The following KDM2B variants were observed in gnomAD, a reference collection of about 807,000 sequenced individuals.
The protein encoded by KDM2B is lysine-specific demethylase 2B.
In KDM2B, 26 loss-of-function variants were observed where a neutral mutation model predicts 150.0. The observed-to-expected ratio is 0.17, with a 90% confidence interval of 0.13 to 0.24. The LOEUF (loss-of-function observed/expected upper bound fraction) is 0.24. Ranked by LOEUF, KDM2B falls within the 10% of genes least tolerant of loss-of-function variation. The pLI is 1.00. For synonymous variants in KDM2B, 734 were observed against 729.5 expected (o/e 1.01, Z -0.10); for missense variants, 1,265 against 1,816.9 (o/e 0.70, Z 5.52).
rs1875195352 is a variant in KDM2B, at chr12:121,442,058, T to C, written c.3284+99A>G. 1.0e-6 allele frequency: 1 copy of C among 991,530 alleles called. No homozygotes were observed. 61.4% of individuals were successfully genotyped at this position (991,530 alleles called of 1,614,324 possible). On this transcript the variant is annotated intron_variant, in intron 19 of 22. Transcript: ENST00000377071. The surrounding 1 kb of genome is among the most constrained non-coding windows in gnomAD (Gnocchi z 7.7). ...GGAGCACAATGAAGCCATACTGGGGTTTGGAAGGAAAGAGCATCGCCAGCG... is the reference window on the plus strand; with the variant it reads ...GGAGCACAATGAAGCCATACTGGGGCTTGGAAGGAAAGAGCATCGCCAGCG...
the KDM2B span, chr12:121,416,568 GT>G: frequency 1.9e-6 from 1 of 525,978 alleles, no homozygotes; most frequent in Non-Finnish European, 3.4e-6. Context: ...TATAGACATT[GT>G]TTCTCATGTT....
chr12:121,523,120 G>C (rs1015170406), intron 8 of KDM2B, among the ~76,000 whole-genome samples: 1 of 152,208 alleles, frequency 6.6e-6, no homozygotes, highest in Admixed American at 6.5e-5. Flanking sequence ...TGAAACTGAG[G>C]GCACAAAGGG....
rs969594925 is a variant in KDM2B at position 121,494,556 on chromosome 12, G to A, written c.1734+23C>T. On this transcript the variant is annotated intron_variant, in intron 12 of 22. Coordinates refer to ENST00000377071, the MANE Select transcript of KDM2B (RefSeq NM_032590.5). ...GGAAGGAGGTGGGAAGCGGCCGCCC[G>A]CTGCAGGCAGGCTGCGTCTTACCTT... is the stretch of plus-strand genomic sequence containing the variant. 21 of 1,598,898 alleles carry A rather than the reference G, an allele frequency of 1.3e-5. No individual in the cohort carries two copies. In the East Asian group the frequency reaches 2.2e-4, roughly 17 times the overall value.
chr12:121,512,352 C>T (rs1207689468), intron 10 of KDM2B, among the ~76,000 whole-genome samples: 3 of 151,996 alleles, frequency 2.0e-5, no homozygotes, highest in Non-Finnish European at 4.4e-5. Context: ...CCATCATACG[C>T]CCAGCCTGGA....
At chr12:121,479,666 G>C (rs532194833) in intron 12 of KDM2B, among the ~76,000 whole-genome samples, 2 of 151,974 alleles carry the variant, frequency 1.3e-5, no homozygotes, top group African/African-American at 4.8e-5. Flanking sequence ...CTGTTGCCCA[G>C]GCTGGAGTGC....
upstream of KDM2B, among the ~76,000 whole-genome samples, chr12:121,581,837 T>C (rs1891977149): frequency 6.6e-6 from 1 of 152,144 alleles, no homozygotes; most frequent in Non-Finnish European, 1.5e-5. Flanking sequence ...ACGATGTCAC[T>C]ATCAGCATCG....
chr12:121,422,782 T>A, the KDM2B span, among the ~76,000 whole-genome samples: 1 of 152,180 alleles, frequency 6.6e-6, no homozygotes, highest in Non-Finnish European at 1.5e-5. Context: ...TTTTCTCAGA[T>A]GTAAAGGTGG....
intron 12 of KDM2B, among the ~76,000 whole-genome samples, chr12:121,487,215 C>T (rs138330210): frequency 6.6e-6 from 1 of 152,090 alleles, no homozygotes; most frequent in African/African-American, 2.4e-5. Context: ...CCTTTTGCCA[C>T]CCATATTTTT....
At chr12:121,416,260 C>T in the KDM2B span, 69 of 1,613,866 alleles carry the variant, frequency 4.3e-5, no homozygotes, top group South Asian at 5.5e-5. Context: ...CAGGAGCCAC[C>T]GGTCCATTCA....
Position 121,533,242 on chromosome 12 carries a change from C to T in KDM2B, c.778-283G>A, listed in dbSNP as rs188337748. ...GGACTGGGTGGGACATGCTTTCTCC[C>T]GAACCACAGGCTTGTCTAGGAGGTG... On this transcript the variant is annotated intron_variant, in intron 7 of 22. Transcript: ENST00000377071. The surrounding 1 kb of genome is among the most constrained non-coding windows in gnomAD (Gnocchi z 4.1). Among the ~76,000 whole-genome samples the T allele has an allele frequency of 6.6e-6, 1 of 152,072 alleles. No homozygotes were observed. The highest frequency in any genetic ancestry group is 2.4e-5 in the African/African-American group (1 of 41,392).
At chr12:121,480,583 C>CAAAAAAA (rs35490517) in intron 12 of KDM2B, among the ~76,000 whole-genome samples, 8 of 63,242 alleles carry the variant, frequency 1.3e-4, no homozygotes, top group East Asian at 9.7e-4. Context: ...CTGTCGCTAC[C>CAAAAAAA]AAAAAAAAAA....
rs904592622 is a variant in KDM2B, at chr12:121,439,711, C to G, written c.3829+146G>C. On this transcript the variant is annotated intron_variant, in intron 22 of 22. Transcript: ENST00000377071. ...AACTCTTTGTTTACTGTGTTTCCCC[C>G]CTGGACTGGGCTGTCTGTCTCAGTA... 4 of 663,688 alleles carry G rather than the reference C, an allele frequency of 6.0e-6. No homozygotes were observed. The Admixed American group carries it at 9.3e-5, about 15-fold the overall frequency. The allele number at this position is 663,688 out of a possible 1,614,324, so 41.1% of individuals were successfully genotyped here.
Position 121,442,809 on chromosome 12 carries a change from G to C in KDM2B, c.2632C>G (p.Arg878Gly), listed in dbSNP as rs782421557. The stretch of plus-strand genomic sequence containing the variant: ...AGGGGCTTGTTGGCCAGCGCCATGC[G>C]GTCCTCGGCGTTCTTCCAGGACCGC... ...KRRSWKNAEDRMALANKPLRR... is the reference protein window; with the variant it reads ...KRRSWKNAEDGMALANKPLRR... Residue 878 changes from arginine to glycine, a missense_variant, in exon 19 of 23, where the codon CGC becomes GGC. Physicochemically the swap from Arg to Gly is moderately radical, Grantham distance 125. This residue lies in a region of KDM2B where 418 missense variants were observed against 402.4 expected (regional missense o/e 1.04). Coordinates refer to ENST00000377071, the MANE Select transcript of KDM2B (RefSeq NM_032590.5). The surrounding 1 kb of genome is among the most constrained non-coding windows in gnomAD (Gnocchi z 7.7). The C allele has an allele frequency of 2.0e-6, 3 of 1,526,794 alleles. No homozygotes were observed. The highest frequency in any genetic ancestry group is 2.6e-6 in the Non-Finnish European group (3 of 1,143,148). The allele number at this position is 1,526,794 out of a possible 1,614,324, so 94.6% of individuals were successfully genotyped here.
chr12:121,516,936 T>C, intron 9 of KDM2B: 1 of 629,894 alleles, frequency 1.6e-6, no homozygotes, highest in African/African-American at 1.9e-5. Flanking sequence ...AGAGGGAAGG[T>C]AAATTATTTG....
At chr12:121,572,177 A>G (rs1225262518) in intron 4 of KDM2B, among the ~76,000 whole-genome samples, 5 of 152,330 alleles carry the variant, frequency 3.3e-5, no homozygotes, top group Non-Finnish European at 1.5e-5. Context: ...TAGCTTGGAC[A>G]AAAGCACGAG....
chr12:121,412,096 C>T, the KDM2B span, among the ~76,000 whole-genome samples: 3 of 151,996 alleles, frequency 2.0e-5, no homozygotes, highest in Admixed American at 2.0e-4. Context: ...GAGTCTCGCT[C>T]TGTCACCCAG....
In KDM2B at chr12:121,520,662, A is replaced by G. The variant is rs1886605305; in HGVS notation, c.1047+323T>C. Among the ~76,000 whole-genome samples the G allele has an allele frequency of 1.3e-5, 2 of 151,932 alleles. No individual in the cohort carries two copies. The highest frequency in any genetic ancestry group is 1.3e-4 in the Admixed American group (2 of 15,254). Reference sequence around the variant, plus strand: ...CCAAATCCCCCTAATCCCTCACACCACTTTCTCCACGTGAGGAGGAAGAGG... The same window carrying G: ...CCAAATCCCCCTAATCCCTCACACCGCTTTCTCCACGTGAGGAGGAAGAGG... On this transcript the variant is annotated intron_variant, in intron 9 of 22. Coordinates refer to ENST00000377071, the MANE Select transcript of KDM2B (RefSeq NM_032590.5). The surrounding 1 kb of genome is among the most constrained non-coding windows in gnomAD (Gnocchi z 4.5).
Position 121,521,282 on chromosome 12 carries a change from G to A in KDM2B, c.932-182C>T, listed in dbSNP as rs768767568. Among the ~76,000 whole-genome samples, 3 of 152,204 alleles carry A rather than the reference G, an allele frequency of 2.0e-5. No homozygotes were observed. Among genetic ancestry groups the A allele is most frequent in the Non-Finnish European group, 2.9e-5 (2 of 68,040 alleles). The stretch of plus-strand genomic sequence containing the variant: ...GCACAACGCCCAGGCCTGAGCCGCC[G>A]AGAGGACTCAGACTTGCAGCCTCGA... On this transcript the variant is annotated intron_variant, in intron 8 of 22. Coordinates refer to ENST00000377071, the MANE Select transcript of KDM2B (RefSeq NM_032590.5). The surrounding 1 kb of genome is among the most constrained non-coding windows in gnomAD (Gnocchi z 4.9).
chr12:121,426,969 A>C (rs1252241229), downstream of KDM2B, among the ~76,000 whole-genome samples: 2 of 152,148 alleles, frequency 1.3e-5, no homozygotes, highest in Non-Finnish European at 2.9e-5. Context: ...TGTCATATGG[A>C]TAAGTCTGCA....
Sources: gnomAD v4.1 joint callset for allele counts (sites outside exome capture counted in the v4.1 genomes callset) on GRCh38, gnomAD v4.1.1 for gene constraint, gnomAD v4.1.1 regional missense constraint, Gnocchi (gnomAD v3.1) non-coding constraint, MANE v1.5 for transcripts, NCBI Gene and HGNC (gene_info 2026-07-23, HGNC 2026-07-21) for gene names.